Variants in DNAH11 observed in about 807,000 individuals in gnomAD.
DNAH11 encodes dynein axonemal heavy chain 11.
In DNAH11, 442 loss-of-function variants were observed where a neutral mutation model predicts 526.0. The observed-to-expected ratio is 0.84, with a 90% CI of 0.78 to 0.91. The LOEUF is 0.91. DNAH11 is among the 40% of genes least tolerant of loss of function. The pLI, the probability that DNAH11 is intolerant of heterozygous loss-of-function variation, is 0.00. For synonymous variants in DNAH11, 2,461 were observed against 1,935.9 expected (o/e 1.27, Z -7.12); for missense variants, 6,989 against 5,448.7 (o/e 1.28, Z -8.90).
chr7:21,622,322 A>G (rs1477121466), intron 25 of DNAH11, among the ~76,000 whole-genome samples: 1 of 152,210 alleles, frequency 6.6e-6, no homozygotes, highest in Non-Finnish European at 1.5e-5. Flanking sequence ...ATAAAAGAGG[A>G]TACAAAGAAA....
intron 44 of DNAH11, among the ~76,000 whole-genome samples, chr7:21,721,251 G>C (rs966668449): frequency 6.6e-6 from 1 of 152,126 alleles, no homozygotes; most frequent in African/African-American, 2.4e-5. Flanking sequence ...CTTCCCGGTA[G>C]CTCCAGTTAA....
rs771865750 is a variant in DNAH11, at chr7:21,591,346, C to T, written c.2436C>T (p.Tyr812=). The change falls in exon 14 of 82, where the codon TAC becomes TAT. Residue 812 remains tyrosine, a synonymous_variant. Transcript: ENST00000409508. ...WLTWQDDCWG[Y]IERVRAATSE... ...CATGGCAGGATGACTGCTGGGGCTA[C>T]ATCGAGAGGGTGAGGGCAGCCACGT... 1.9e-6 allele frequency: 3 copies of T among 1,613,746 alleles called. No individual in the cohort carries two copies. The highest frequency in any genetic ancestry group is 2.5e-6 in the Non-Finnish European group (3 of 1,179,686).
rs1786226892 is a variant in DNAH11, at chr7:21,748,060, G to C, written c.8511-520G>C. ...TTATTAGCAGAGGATGATTTGTCTT[G>C]GGAGCAGTTCAAGGGTTAGGGTGAA... On this transcript the variant is annotated intron_variant, in intron 51 of 81. Coordinates refer to ENST00000409508, the MANE Select transcript of DNAH11 (RefSeq NM_001277115.2). Among the ~76,000 whole-genome samples, 3 of 152,198 alleles carry C rather than the reference G, an allele frequency of 2.0e-5. No homozygotes were observed. In the South Asian group the frequency reaches 6.2e-4, roughly 31 times the overall value.
chr7:21,888,770 G>A (rs1474968353), intron 76 of DNAH11, among the ~76,000 whole-genome samples: 1 of 152,116 alleles, frequency 6.6e-6, no homozygotes, highest in Non-Finnish European at 1.5e-5. Context: ...TTACAGGCAT[G>A]AGCCACCATG....
At chr7:21,836,998 A>G (rs1461346383) in intron 65 of DNAH11, among the ~76,000 whole-genome samples, 3 of 152,194 alleles carry the variant, frequency 2.0e-5, no homozygotes, top group Non-Finnish European at 4.4e-5. Context: ...AAAATATTCC[A>G]CATCACTAAT....
At chr7:21,878,076 T>C (rs1179435087) in intron 74 of DNAH11, among the ~76,000 whole-genome samples, 2 of 152,200 alleles carry the variant, frequency 1.3e-5, no homozygotes, top group African/African-American at 2.4e-5. Context: ...AGCACTACTA[T>C]GGGTATGCAG....
Position 21,690,278 on chromosome 7 carries a change from A to T in DNAH11, c.5925-487A>T, listed in dbSNP as rs753327238. 3.1e-4 allele frequency among the ~76,000 whole-genome samples: 47 copies of T among 152,182 alleles called. 1 individual carries two copies. The highest frequency in any genetic ancestry group is 2.4e-3 in the Admixed American group (36 of 15,272). On this transcript the variant is annotated intron_variant, in intron 34 of 81. Transcript: ENST00000409508. Reference sequence around the variant, plus strand: ...TCCAGAGCTATTGTACCTCTCAGTGATATTTAATAGATTTTTCTTGAGTCA... The same window carrying T: ...TCCAGAGCTATTGTACCTCTCAGTGTTATTTAATAGATTTTTCTTGAGTCA...
In DNAH11 at chr7:21,861,620, A is replaced by G. The variant is rs149828258; in HGVS notation, c.11203-233A>G. ...AGAAGGAGAGAAAATGATGCAATTCAATTGCTTGGAAGGAGATTGAATGGA... is the reference window on the plus strand; with the variant it reads ...AGAAGGAGAGAAAATGATGCAATTCGATTGCTTGGAAGGAGATTGAATGGA... On this transcript the variant is annotated intron_variant, in intron 68 of 81. Coordinates refer to ENST00000409508, the MANE Select transcript of DNAH11 (RefSeq NM_001277115.2). Among the ~76,000 whole-genome samples, 99 of 152,346 alleles carry G rather than the reference A, an allele frequency of 6.5e-4. 1 individual carries two copies. Among genetic ancestry groups the G allele is most frequent in the African/African-American group, 2.2e-3 (92 of 41,588 alleles).
chr7:21,830,322 A>G (rs1431273230), intron 65 of DNAH11, among the ~76,000 whole-genome samples: 5 of 152,224 alleles, frequency 3.3e-5, no homozygotes, highest in African/African-American at 7.2e-5. Flanking sequence ...ACCAGAAATT[A>G]TAGATCTCAG....
At chr7:21,761,984 A>G (rs559432695) in intron 54 of DNAH11, among the ~76,000 whole-genome samples, 1 of 152,330 alleles carries the variant, frequency 6.6e-6, no homozygotes, top group Non-Finnish European at 1.5e-5. Flanking sequence ...TAATCATGGC[A>G]GAAGGGAAAG....
intron 37 of DNAH11, among the ~76,000 whole-genome samples, chr7:21,703,181 A>G (rs972819543): frequency 2.0e-5 from 3 of 152,166 alleles, no homozygotes; most frequent in Non-Finnish European, 4.4e-5. Flanking sequence ...AAGAGCATCC[A>G]TTTCATGGGA....
chr7:21,710,360 G>A (rs146284730), intron 40 of DNAH11, among the ~76,000 whole-genome samples, 193 bp from the exon 41 acceptor site: 125 of 152,290 alleles, frequency 8.2e-4, no homozygotes, highest in African/African-American at 2.8e-3. Flanking sequence ...GTCCTTCTCA[G>A]TGAGGTGAAA....
chr7:21,659,066 G>A (rs763132193), intron 30 of DNAH11, 35 bp downstream of exon 30: 4 of 1,475,270 alleles, frequency 2.7e-6, no homozygotes, highest in Non-Finnish European at 3.7e-6. Flanking sequence ...AGACATAAAG[G>A]AACTTCAAGA....
intron 54 of DNAH11, among the ~76,000 whole-genome samples, chr7:21,758,198 G>A (rs1786721138): frequency 6.6e-6 from 1 of 152,102 alleles, no homozygotes; most frequent in Admixed American, 6.5e-5. Context: ...ACATCGCTCT[G>A]GATACAGTGC....
chr7:21,581,978 G>T lies in DNAH11; in HGVS notation c.1667G>T (p.Cys556Phe). The stretch of plus-strand genomic sequence containing the variant: ...GACAGAAGGCTTGGGACAATTATTT[G>T]TGAAGCTTTCTTTAACTGCAATGGC... ...EFDRRLGTII[C>F]EAFFNCNGLE... is the part of the protein sequence containing the mutation. Residue 556 changes from cysteine (C) to phenylalanine (F), a missense_variant, in exon 9 of 82, where the codon TGT becomes TTT. Coordinates refer to ENST00000409508, the MANE Select transcript of DNAH11 (RefSeq NM_001277115.2). 1 of 1,613,284 alleles carries T rather than the reference G, an allele frequency of 6.2e-7. No homozygotes were observed. Among genetic ancestry groups the T allele is most frequent in the Non-Finnish European group, 8.5e-7 (1 of 1,179,432 alleles).
chr7:21,885,369 A>G (rs1432909441), intron 76 of DNAH11, among the ~76,000 whole-genome samples: 1 of 150,988 alleles, frequency 6.6e-6, no homozygotes, highest in Non-Finnish European at 1.5e-5. Flanking sequence ...ACGCAGAAGG[A>G]CAAATACATG....
chr7:21,808,697 G>C (rs1789380120), intron 63 of DNAH11, among the ~76,000 whole-genome samples: 1 of 152,132 alleles, frequency 6.6e-6, no homozygotes, highest in Non-Finnish European at 1.5e-5. Context: ...CATTTATGTG[G>C]CTGGAAATGA....
intron 63 of DNAH11, among the ~76,000 whole-genome samples, chr7:21,809,020 T>G (rs1284414828): frequency 6.6e-6 from 1 of 152,220 alleles, no homozygotes; most frequent in Non-Finnish European, 1.5e-5. Context: ...CTTTCCCTTT[T>G]CTCTACATCC....
In DNAH11 at chr7:21,845,301, G is replaced by A. The variant is rs142380409; in HGVS notation, c.10896+2553G>A. ...CTAAGAAATCATTAACTGACAGTTCGTGAAGATTTATGTTTTCTCTTAGGA... is the reference window on the plus strand; with the variant it reads ...CTAAGAAATCATTAACTGACAGTTCATGAAGATTTATGTTTTCTCTTAGGA... On this transcript the variant is annotated intron_variant, in intron 66 of 81. Transcript: ENST00000409508. 3.6e-3 allele frequency among the ~76,000 whole-genome samples: 541 copies of A among 152,162 alleles called. 4 individuals are homozygous for A. The highest frequency in any genetic ancestry group is 0.01 in the African/African-American group (435 of 41,522).
Sources: gnomAD v4.1 joint callset for allele counts (sites outside exome capture counted in the v4.1 genomes callset) on GRCh38, gnomAD v4.1.1 for gene constraint, MANE v1.5 for transcripts, NCBI Gene and HGNC (gene_info 2026-07-23, HGNC 2026-07-21) for gene names.